Variants in AUTS2 observed in about 807,000 individuals in gnomAD.
The protein encoded by AUTS2 is autism susceptibility gene 2 protein.
AUTS2 carries 17 observed loss-of-function variants against 112.4 expected under a neutral mutation model. The ratio of observed to expected loss-of-function variants is 0.15; its 90% CI spans 0.10 to 0.23. The LOEUF (loss-of-function observed/expected upper bound fraction) is 0.23. AUTS2 is among the 10% of genes least tolerant of loss of function. The pLI is 1.00. For missense variants in AUTS2, 1,510 were observed against 1,701.6 expected (o/e 0.89, Z 1.98); for synonymous variants, 751 against 702.7 (o/e 1.07, Z -1.09).
intron 1 of AUTS2, among the ~76,000 whole-genome samples, chr7:69,668,931 A>G (rs1457399365): frequency 6.6e-6 from 1 of 152,168 alleles, no homozygotes; most frequent in Non-Finnish European, 1.5e-5. Context: ...TGTTGGTAGT[A>G]GCAATTAACA....
intron 9 of AUTS2, among the ~76,000 whole-genome samples, chr7:70,767,027 G>C (rs929918469): frequency 5.3e-5 from 8 of 151,856 alleles, no homozygotes; most frequent in African/African-American, 1.9e-4. Context: ...TTTTTTTTAA[G>C]TTAATAACGA....
chr7:70,221,975 A>G (rs1232560737), intron 4 of AUTS2, among the ~76,000 whole-genome samples: 3 of 152,238 alleles, frequency 2.0e-5, no homozygotes, highest in African/African-American at 4.8e-5. Flanking sequence ...AGTATCTAGC[A>G]AGAATATAAA....
At chr7:69,664,079 G>A (rs917786058) in intron 1 of AUTS2, among the ~76,000 whole-genome samples, 11 of 152,174 alleles carry the variant, frequency 7.2e-5, no homozygotes, top group Non-Finnish European at 1.5e-4. Flanking sequence ...TTGTGGTTCC[G>A]GACTCAGTCT....
intron 6 of AUTS2, among the ~76,000 whole-genome samples, chr7:70,701,744 A>G (rs1026097530): frequency 1.3e-5 from 2 of 152,234 alleles, no homozygotes; most frequent in Admixed American, 1.3e-4. Context: ...ACACAAAAAA[A>G]CAGTTTAACT....
chr7:69,900,903 T>G (rs1380480857), intron 2 of AUTS2, among the ~76,000 whole-genome samples: 1 of 152,152 alleles, frequency 6.6e-6, no homozygotes, highest in Non-Finnish European at 1.5e-5. Flanking sequence ...CTACATTCAG[T>G]GAGGGAGTTT....
chr7:70,632,509 C>G (rs548745422), intron 5 of AUTS2, among the ~76,000 whole-genome samples: 55 of 151,850 alleles, frequency 3.6e-4, no homozygotes, highest in Admixed American at 7.2e-4. Context: ...TCTGCTTGTC[C>G]TAGGACTGCT....
At chr7:69,670,671 G>A (rs1796279079) in intron 1 of AUTS2, among the ~76,000 whole-genome samples, 2 of 150,334 alleles carry the variant, frequency 1.3e-5, no homozygotes, top group South Asian at 4.2e-4. Context: ...GAACCCAGGA[G>A]TTGGTTACCA....
chr7:70,364,501 G>A (rs1021825290), intron 4 of AUTS2, among the ~76,000 whole-genome samples: 1 of 151,744 alleles, frequency 6.6e-6, no homozygotes, highest in African/African-American at 2.4e-5. Context: ...GGGAGGCAGA[G>A]GTTGCGGTGA....
At chr7:69,919,073 A>G (rs930816888) in intron 2 of AUTS2, among the ~76,000 whole-genome samples, 4 of 152,148 alleles carry the variant, frequency 2.6e-5, no homozygotes, top group Admixed American at 1.3e-4. Flanking sequence ...GTCATTAACT[A>G]TTGTCATATA....
At chr7:70,014,829 C>G (rs1341877914) in intron 2 of AUTS2, among the ~76,000 whole-genome samples, 1 of 152,212 alleles carries the variant, frequency 6.6e-6, no homozygotes, top group Non-Finnish European at 1.5e-5. Flanking sequence ...ATCTGGTACA[C>G]TGGAACTGCC....
chr7:69,666,223 C>T (rs767734057), intron 1 of AUTS2, among the ~76,000 whole-genome samples: 3 of 152,070 alleles, frequency 2.0e-5, no homozygotes, highest in African/African-American at 4.8e-5. Context: ...GAATTTGGAG[C>T]GAGGAAAAAA....
intron 1 of AUTS2, among the ~76,000 whole-genome samples, chr7:69,892,039 C>T (rs982287881): frequency 2.0e-5 from 3 of 151,822 alleles, no homozygotes; most frequent in African/African-American, 7.3e-5. Context: ...GATCCATCTG[C>T]CCTGGCCTCC....
chr7:70,118,909 G>T (rs535012934), intron 3 of AUTS2: 8 of 152,038 alleles, frequency 5.3e-5, no homozygotes, highest in African/African-American at 1.5e-4. Context: ...AACAGGGCAG[G>T]TTCCCCCTCT....
At chr7:69,780,126 G>T (rs1222917830) in intron 1 of AUTS2, among the ~76,000 whole-genome samples, 3 of 152,144 alleles carry the variant, frequency 2.0e-5, no homozygotes, top group Admixed American at 1.3e-4. Flanking sequence ...CAAATACTGG[G>T]ATTACAGATG....
intron 4 of AUTS2, among the ~76,000 whole-genome samples, chr7:70,223,519 A>G (rs144574874): frequency 2.6e-3 from 396 of 152,354 alleles, no homozygotes; most frequent in Non-Finnish European, 4.7e-3. Flanking sequence ...CCAGTTGTAT[A>G]AAAGTACAGC....
At chr7:69,911,249 G>C (rs1159908000) in intron 2 of AUTS2, among the ~76,000 whole-genome samples, 2 of 152,182 alleles carry the variant, frequency 1.3e-5, no homozygotes, top group Non-Finnish European at 2.9e-5. Context: ...GGCTTCCACT[G>C]TGGGCACCCC....
intron 2 of AUTS2, among the ~76,000 whole-genome samples, chr7:70,116,080 C>T (rs1431565395): frequency 1.3e-5 from 2 of 152,158 alleles, no homozygotes; most frequent in African/African-American, 4.8e-5. Flanking sequence ...TGACAATATT[C>T]TGAGCTTTTA....
At chr7:70,300,427 T>A (rs1227986351) in intron 4 of AUTS2, among the ~76,000 whole-genome samples, 1 of 152,178 alleles carries the variant, frequency 6.6e-6, no homozygotes, top group African/African-American at 2.4e-5. Context: ...CCAACTCCCA[T>A]CCAGCAGGAC....
At chr7:70,576,778 C>T (rs1426600456) in intron 5 of AUTS2, among the ~76,000 whole-genome samples, 3 of 152,134 alleles carry the variant, frequency 2.0e-5, no homozygotes, top group Admixed American at 6.5e-5. Flanking sequence ...TATTAATAGA[C>T]GCCACTAGGA....
Sources: allele counts gnomAD v4.1 joint callset (sites outside exome capture counted in the v4.1 genomes callset), GRCh38; gene constraint gnomAD v4.1.1; transcripts MANE v1.5; gene names NCBI Gene and HGNC (gene_info 2026-07-23, HGNC 2026-07-21).